The following EMID1 variants were observed in gnomAD, a reference collection of about 807,000 sequenced individuals.
EMID1 encodes the protein EMI domain-containing protein 1.
Under a neutral mutation model 60.6 loss-of-function variants are expected in EMID1, and 40 were observed. The ratio of observed to expected loss-of-function variants is 0.66; its 90% CI spans 0.51 to 0.86. The LOEUF (loss-of-function observed/expected upper bound fraction) is 0.86. Among genes scored for constraint, EMID1 ranks in the 40% least tolerant of loss-of-function variants. EMID1 has a pLI of 0.00. For synonymous variants in EMID1, 242 were observed against 231.0 expected, an observed-to-expected ratio of 1.05 and a Z score of -0.43; for missense variants, 585 against 597.1, an observed-to-expected ratio of 0.98 and a Z score of 0.21.
At chr22:29,221,068 TGTGTGTG>T (rs1327355594) in intron 3 of EMID1, among the ~76,000 whole-genome samples, 1 of 1,720 alleles carries the variant, frequency 5.8e-4, no homozygotes, top group Non-Finnish European at 1.9e-3. Flanking sequence ...GGTGGGAACG[TGTGTGTG>T]TGTGTGTGTG....
chr22:29,220,886 T>A (rs911168894), intron 3 of EMID1, among the ~76,000 whole-genome samples: 2 of 152,018 alleles, frequency 1.3e-5, no homozygotes, highest in African/African-American at 4.8e-5. Context: ...GGCCCAGGGC[T>A]AGAAACTACA....
intron 13 of EMID1, among the ~76,000 whole-genome samples, chr22:29,245,136 C>T (rs2041286127): frequency 6.6e-6 from 1 of 152,126 alleles, no homozygotes; most frequent in African/African-American, 2.4e-5. Context: ...CTCCAGTTAG[C>T]CTCTCCTGGC....
intron 13 of EMID1, among the ~76,000 whole-genome samples, chr22:29,246,095 G>A (rs1408539060): frequency 6.6e-6 from 1 of 152,246 alleles, no homozygotes; most frequent in East Asian, 1.9e-4. Flanking sequence ...GGAGCCAGGT[G>A]AAGCCTGAAA....
intron 13 of EMID1, 173 bp from the exon 14 acceptor site, chr22:29,254,030 G>A (rs1214490724): frequency 1.0e-6 from 1 of 985,286 alleles, no homozygotes; most frequent in East Asian, 1.1e-4. Flanking sequence ...CTGCCTTGTT[G>A]TCCCCCTCCT....
chr22:29,208,098 T>C (rs777529975), intron 1 of EMID1, among the ~76,000 whole-genome samples: 10 of 152,126 alleles, frequency 6.6e-5, no homozygotes, highest in Non-Finnish European at 1.5e-4. Context: ...TCATGTCACA[T>C]GGGGGTAGGG....
chr22:29,248,436 A>G (rs1439717475), intron 13 of EMID1, among the ~76,000 whole-genome samples: 4 of 152,070 alleles, frequency 2.6e-5, no homozygotes, highest in South Asian at 4.2e-4. Flanking sequence ...GTCATCTCCT[A>G]TGATAACAAT....
chr22:29,207,762 G>T (rs2039729114), intron 1 of EMID1, among the ~76,000 whole-genome samples: 1 of 152,318 alleles, frequency 6.6e-6, no homozygotes, highest in African/African-American at 2.4e-5. Context: ...AGATACGGAG[G>T]CTGAGGCCTA....
intron 7 of EMID1, 104 bp from the exon 8 acceptor site, chr22:29,232,152 C>T (rs957840057): frequency 1.4e-6 from 2 of 1,407,856 alleles, no homozygotes; most frequent in African/African-American, 1.4e-5. Flanking sequence ...CTCCGGGGCC[C>T]TCTCTCATGC....
intron 12 of EMID1, among the ~76,000 whole-genome samples, chr22:29,239,875 T>G (rs1235737956): frequency 8.6e-6 from 1 of 116,148 alleles, no homozygotes; most frequent in East Asian, 3.2e-4. Flanking sequence ...TTCTCGTGCA[T>G]CAACCTCCCA....
intron 6 of EMID1, among the ~76,000 whole-genome samples, 159 bp downstream of exon 6, chr22:29,231,299 G>A (rs926525766): frequency 6.6e-6 from 1 of 152,092 alleles, no homozygotes; most frequent in Admixed American, 6.5e-5. Flanking sequence ...TAAGAGGACC[G>A]TCTCCTGGGA....
intron 12 of EMID1, among the ~76,000 whole-genome samples, chr22:29,243,015 C>T (rs115560812): frequency 5.6e-4 from 85 of 152,322 alleles, no homozygotes; most frequent in African/African-American, 2.0e-3. Context: ...CAGAAAGGAA[C>T]ATTTATGCAG....
chr22:29,244,176 G>A (rs1050537266), intron 13 of EMID1, among the ~76,000 whole-genome samples: 1 of 152,198 alleles, frequency 6.6e-6, no homozygotes, highest in Non-Finnish European at 1.5e-5. Flanking sequence ...CATGATGGAT[G>A]AGAAGGGAAG....
chr22:29,210,527 C>A (rs1003484316), intron 1 of EMID1, among the ~76,000 whole-genome samples: 1 of 151,888 alleles, frequency 6.6e-6, no homozygotes, highest in Non-Finnish European at 1.5e-5. Flanking sequence ...TGAGCCACTG[C>A]GCCCGGCCAA....
Position 29,222,916 on chromosome 22 carries a change from C to G in EMID1, c.320-2217C>G, listed in dbSNP as rs181727145. Among the ~76,000 whole-genome samples the G allele has an allele frequency of 6.6e-4, 100 of 152,128 alleles. 1 individual carries two copies. The highest frequency in any genetic ancestry group is 2.0e-3 in the African/African-American group (81 of 41,518). ...ACCATCCTGGCTAATACGGTGAAAC[C>G]CCACCTCTACTAAAAATATCAAAAA... On this transcript the variant is annotated intron_variant, in intron 3 of 14. Coordinates refer to ENST00000334018, the MANE Select transcript of EMID1 (RefSeq NM_133455.4).
intron 13 of EMID1, among the ~76,000 whole-genome samples, chr22:29,245,361 G>A (rs1387225733): frequency 6.6e-6 from 1 of 152,172 alleles, no homozygotes; most frequent in Non-Finnish European, 1.5e-5. Context: ...GGAGAGATTG[G>A]GCAGTCCTGT....
intron 1 of EMID1, 146 bp downstream of exon 1, chr22:29,206,285 G>A: frequency 1.6e-6 from 1 of 635,814 alleles, no homozygotes; most frequent in Non-Finnish European, 2.2e-6. Flanking sequence ...CGGTCCGGCT[G>A]AGGCTCCCGC....
chr22:29,236,558 G>A (rs1314348391), intron 12 of EMID1, among the ~76,000 whole-genome samples: 2 of 151,904 alleles, frequency 1.3e-5, no homozygotes, highest in East Asian at 3.9e-4. Context: ...AGGTATGGTG[G>A]CGCACTCCTG....
At chr22:29,209,460 C>A (rs545937026) in intron 1 of EMID1, among the ~76,000 whole-genome samples, 42 of 152,278 alleles carry the variant, frequency 2.8e-4, no homozygotes, top group Non-Finnish European at 4.9e-4. Flanking sequence ...CCCCCAGGGG[C>A]TGCAGGGATG....
chr22:29,240,378 G>A (rs577005199), intron 12 of EMID1, among the ~76,000 whole-genome samples: 29 of 143,708 alleles, frequency 2.0e-4, no homozygotes, highest in African/African-American at 6.6e-4. Context: ...GGGCTTGCAC[G>A]TCTGACATAA....
Sources: gnomAD v4.1 joint callset for allele counts (sites outside exome capture counted in the v4.1 genomes callset) on GRCh38, gnomAD v4.1.1 for gene constraint, MANE v1.5 for transcripts, NCBI Gene and HGNC (gene_info 2026-07-23, HGNC 2026-07-21) for gene names.